EMSY: variants seen among roughly 807,000 people sequenced by gnomAD.
The protein encoded by EMSY is BRCA2-interacting transcriptional repressor EMSY.
EMSY carries 26 observed loss-of-function variants against 134.6 expected under a neutral mutation model. The observed-to-expected ratio is 0.19, with a 90% CI of 0.14 to 0.27. EMSY has a LOEUF of 0.27. EMSY is among the 10% of genes least tolerant of loss of function. The pLI, the probability that EMSY is intolerant of heterozygous loss-of-function variation, is 1.00. For synonymous variants in EMSY, 579 were observed against 577.8 expected, an observed-to-expected ratio of 1.00 and a Z score of -0.03; for missense variants, 1,305 against 1,611.4, an observed-to-expected ratio of 0.81 and a Z score of 3.26.
chr11:76,496,314 A>C, exon 9 of EMSY: 1 of 1,614,218 alleles, frequency 6.2e-7, no homozygotes, highest in Non-Finnish European at 8.5e-7. Context: ...TTCCCTAAAC[A>C]ACATCAACAG....
At chr11:76,512,561 A>T (rs1253293937) in intron 9 of EMSY, among the ~76,000 whole-genome samples, 1 of 151,544 alleles carries the variant, frequency 6.6e-6, no homozygotes, top group African/African-American at 2.4e-5. Context: ...AATCACTCAG[A>T]TTTGTTTCAG....
chr11:76,532,614 T>TA (rs1426304213), intron 14 of EMSY, among the ~76,000 whole-genome samples: 1 of 152,134 alleles, frequency 6.6e-6, no homozygotes, highest in African/African-American at 2.4e-5. Flanking sequence ...AGATTTTTTT[T>TA]AAACACATAT....
chr11:76,509,645 T>G (rs1950203829), intron 9 of EMSY, among the ~76,000 whole-genome samples: 1 of 152,142 alleles, frequency 6.6e-6, no homozygotes, highest in Admixed American at 6.5e-5. Context: ...ATTAAAAAGA[T>G]CTCTAAGATA....
chr11:76,456,897 A>G (rs1947894398), intron 4 of EMSY, among the ~76,000 whole-genome samples: 1 of 152,170 alleles, frequency 6.6e-6, no homozygotes, highest in Non-Finnish European at 1.5e-5. Context: ...GGCAAAACCC[A>G]TTTGAAAAAT....
chr11:76,486,814 T>A (rs1949203952), intron 8 of EMSY, among the ~76,000 whole-genome samples: 1 of 152,120 alleles, frequency 6.6e-6, no homozygotes, highest in African/African-American at 2.4e-5. Context: ...GTCATAATAG[T>A]GATGATGAAG....
chr11:76,472,432 G>A (rs1370170200), intron 7 of EMSY, 132 bp from the exon 9 acceptor site: 5 of 818,566 alleles, frequency 6.1e-6, no homozygotes, highest in South Asian at 2.3e-5. Flanking sequence ...TATATTTTTA[G>A]TTGTATATTC....
At chr11:76,469,633 G>A (rs1042788968) in intron 7 of EMSY, among the ~76,000 whole-genome samples, 3 of 152,160 alleles carry the variant, frequency 2.0e-5, no homozygotes, top group Admixed American at 2.0e-4. Context: ...TGTGTGCCTA[G>A]CACTATGTCA....
At chr11:76,492,209 C>T (rs527589504) in intron 8 of EMSY, among the ~76,000 whole-genome samples, 1 of 152,336 alleles carries the variant, frequency 6.6e-6, no homozygotes, top group South Asian at 2.1e-4. Context: ...CGCAGTGGCT[C>T]ATGCCTATAA....
At chr11:76,465,777 C>T (rs778819857) in intron 7 of EMSY, among the ~76,000 whole-genome samples, 6 of 152,010 alleles carry the variant, frequency 3.9e-5, no homozygotes, top group Non-Finnish European at 8.8e-5. Flanking sequence ...TGTCTGCTTA[C>T]GAATGAAAAT....
chr11:76,447,183 A>G (rs1351246586), intron 2 of EMSY, among the ~76,000 whole-genome samples, 175 bp downstream of exon 2: 1 of 152,226 alleles, frequency 6.6e-6, no homozygotes, highest in African/African-American at 2.4e-5. Context: ...AGTGCTTTGT[A>G]AATAGTAGGT....
intron 19 of EMSY, 95 bp downstream of exon 20, chr11:76,544,917 T>C (rs2136780995): frequency 7.4e-7 from 1 of 1,359,314 alleles, no homozygotes; most frequent in Non-Finnish European, 9.9e-7. Flanking sequence ...CAGTGCTTTC[T>C]CCTGGCAAGA....
intron 4 of EMSY, among the ~76,000 whole-genome samples, chr11:76,457,256 G>T (rs1947910448): frequency 6.6e-6 from 1 of 152,180 alleles, no homozygotes; most frequent in African/African-American, 2.4e-5. Context: ...TTAGTTTGAA[G>T]AACCTATGGT....
At chr11:76,502,392 A>G (rs1393485352) in intron 9 of EMSY, among the ~76,000 whole-genome samples, 1 of 149,752 alleles carries the variant, frequency 6.7e-6, no homozygotes, top group East Asian at 1.9e-4. Flanking sequence ...TAAAAAAAGC[A>G]TCCAGATTGA....
intron 8 of EMSY, among the ~76,000 whole-genome samples, chr11:76,492,687 T>C (rs1179326477): frequency 6.6e-6 from 1 of 152,050 alleles, no homozygotes; most frequent in Non-Finnish European, 1.5e-5. Context: ...CAGGAACAGA[T>C]AGGAACCCTA....
intron 10 of EMSY, 150 bp from the exon 12 acceptor site, chr11:76,515,992 G>A (rs1382684673): frequency 7.7e-6 from 5 of 650,046 alleles, no homozygotes; most frequent in Non-Finnish European, 9.9e-6. Flanking sequence ...AAAACTGGCT[G>A]TAAAATTATA....
At chr11:76,535,574 C>T (rs1347206616) in intron 14 of EMSY, among the ~76,000 whole-genome samples, 3 of 152,086 alleles carry the variant, frequency 2.0e-5, no homozygotes, top group South Asian at 2.1e-4. Context: ...TTTACATGTC[C>T]GTCTCCCCAG....
chr11:76,456,111 C>T (rs1281084400), intron 4 of EMSY, among the ~76,000 whole-genome samples: 14 of 152,276 alleles, frequency 9.2e-5, no homozygotes, highest in Non-Finnish European at 1.5e-5. Flanking sequence ...TATACTCACA[C>T]TAAAGTATCT....
At chr11:76,535,554 G>A (rs974535194) in intron 14 of EMSY, among the ~76,000 whole-genome samples, 1 of 152,140 alleles carries the variant, frequency 6.6e-6, no homozygotes, top group African/African-American at 2.4e-5. Context: ...ATTGAGTTGT[G>A]ATTTGTCTTT....
At chr11:76,447,105 T>C in intron 2 of EMSY, 97 bp downstream of exon 2, 1 of 1,145,940 alleles carries the variant, frequency 8.7e-7, no homozygotes, top group Non-Finnish European at 1.3e-6. Flanking sequence ...TATCTCACGC[T>C]ACATCAGAAA....
Sources: allele counts gnomAD v4.1 joint callset (sites outside exome capture counted in the v4.1 genomes callset), GRCh38; gene constraint gnomAD v4.1.1; transcripts MANE v1.5; gene names NCBI Gene and HGNC (gene_info 2026-07-23, HGNC 2026-07-21).